Variants in TCERG1 observed in about 807,000 individuals in gnomAD.
The protein encoded by TCERG1 is TATA box binding protein (TBP)-associated factor, RNA polymerase II, S, 150kD.
Under a neutral mutation model 144.7 loss-of-function variants are expected in TCERG1, and 37 were observed. The observed-to-expected ratio is 0.26, with a 90% CI of 0.20 to 0.34. The LOEUF is 0.34. TCERG1 is among the 10% of genes least tolerant of loss of function. The pLI is 1.00. For synonymous variants in TCERG1, 492 were observed against 458.2 expected (o/e 1.07, Z -0.94); for missense variants, 1,027 against 1,380.7 (o/e 0.74, Z 4.06).
chr5:146,509,695 G>C lies in TCERG1; in HGVS notation c.3146+450G>C, dbSNP rs188892226. On this transcript the variant is annotated intron_variant, in intron 22 of 22. Coordinates refer to ENST00000679501, the MANE Select transcript of TCERG1 (RefSeq NM_001382548.1). ...ATAAACATTTTTTTTTCCCTCAGAG[G>C]AAAGCATTTTGCTGGGTACATTTAA... Among the ~76,000 whole-genome samples the C allele has an allele frequency of 2.4e-3, 367 of 151,914 alleles. 1 individual carries two copies. The highest frequency in any genetic ancestry group is 3.8e-3 in the Non-Finnish European group (260 of 67,948).
At chr5:146,489,457 AAT>A (rs1766185025) in intron 15 of TCERG1, among the ~76,000 whole-genome samples, 1 of 152,186 alleles carries the variant, frequency 6.6e-6, no homozygotes, top group Non-Finnish European at 1.5e-5. Context: ...ACAGTATGGT[AAT>A]ATGTTACCAA....
intron 12 of TCERG1, 100 bp downstream of exon 12, chr5:146,480,194 TAGG>T (rs1445513517): frequency 5.6e-6 from 5 of 886,318 alleles, no homozygotes; most frequent in East Asian, 2.5e-5. Context: ...TGAATGTTGT[TAGG>T]AGGCATGATT....
chr5:146,480,024 A>G lies in TCERG1; in HGVS notation c.1820-4A>G, dbSNP rs781233656. On this transcript the variant is annotated splice_polypyrimidine_tract_variant and splice_region_variant and intron_variant, in intron 11 of 22. Transcript: ENST00000679501. The stretch of plus-strand genomic sequence containing the variant: ...AAATATTTTAATTAAATTTTGTCTT[A>G]TAGTTAAAGAGGAACAAGAATTAAT... 1 of 1,597,168 alleles carries G rather than the reference A, an allele frequency of 6.3e-7. No homozygotes were observed. Among genetic ancestry groups the G allele is most frequent in the Non-Finnish European group, 8.5e-7 (1 of 1,172,196 alleles).
chr5:146,492,257 C>G (rs995910070), intron 15 of TCERG1, among the ~76,000 whole-genome samples: 11 of 152,064 alleles, frequency 7.2e-5, no homozygotes, highest in African/African-American at 2.4e-4. Context: ...CTTGAGTTGC[C>G]TCTTTGTTTT....
At chr5:146,461,566 A>G (rs1444105535) in intron 4 of TCERG1, among the ~76,000 whole-genome samples, 1 of 152,166 alleles carries the variant, frequency 6.6e-6, no homozygotes, top group African/African-American at 2.4e-5. Flanking sequence ...TCAAATTCAG[A>G]AAATGCTGTG....
At chr5:146,503,230 A>G in intron 17 of TCERG1, 145 bp from the exon 18 acceptor site, 1 of 645,918 alleles carries the variant, frequency 1.5e-6, no homozygotes, top group Non-Finnish European at 2.5e-6. Flanking sequence ...CTGTAATTCT[A>G]CTCTAAATGC....
intron 1 of TCERG1, 59 bp from the exon 2 acceptor site, chr5:146,454,997 A>G: frequency 6.5e-7 from 1 of 1,530,368 alleles, no homozygotes; most frequent in African/African-American, 1.4e-5. Context: ...ATTAGAGATC[A>G]GTAGCTACAT....
intron 15 of TCERG1, among the ~76,000 whole-genome samples, chr5:146,491,322 CT>C (rs1766400655): frequency 6.6e-6 from 1 of 151,932 alleles, no homozygotes; most frequent in South Asian, 2.1e-4. Flanking sequence ...GGCCCTCGTG[CT>C]TTGGGGCTGT....
At chr5:146,502,411 C>G (rs1311442335) in intron 17 of TCERG1, among the ~76,000 whole-genome samples, 1 of 152,096 alleles carries the variant, frequency 6.6e-6, no homozygotes, top group African/African-American at 2.4e-5. Context: ...TGGGTATCTT[C>G]TATGGTAGGA....
rs978868954 is a variant in TCERG1, at chr5:146,497,918, G to T, written c.2283-618G>T. 8.6e-5 allele frequency among the ~76,000 whole-genome samples: 13 copies of T among 152,036 alleles called. No individual in the cohort carries two copies. The East Asian group carries it at 2.1e-3, about 25-fold the overall frequency. On this transcript the variant is annotated intron_variant, in intron 16 of 22. Transcript: ENST00000679501. ...TGTTACACAACTTGGCCTTAGCTGT[G>T]GACTCATGGGTAATCGCTAAGTCAG...
At chr5:146,495,759 A>T (rs1054206682) in intron 16 of TCERG1, among the ~76,000 whole-genome samples, 3 of 152,248 alleles carry the variant, frequency 2.0e-5, no homozygotes, top group African/African-American at 7.2e-5. Flanking sequence ...ACACAAGAGA[A>T]TGTTTTATTT....
intron 5 of TCERG1, 66 bp downstream of exon 5, chr5:146,463,859 T>C: frequency 6.3e-7 from 1 of 1,594,034 alleles, no homozygotes; most frequent in South Asian, 1.1e-5. Context: ...TTTGTTCTCA[T>C]GTGTCTGTTG....
chr5:146,501,344 C>CTG (rs2150844948), intron 17 of TCERG1, among the ~76,000 whole-genome samples: 1 of 132,670 alleles, frequency 7.5e-6, no homozygotes, highest in African/African-American at 2.8e-5. Context: ...TGTTCTCATA[C>CTG]TGATAGCCTT....
At chr5:146,465,222 G>A (rs1175592650) in intron 5 of TCERG1, among the ~76,000 whole-genome samples, 1 of 152,160 alleles carries the variant, frequency 6.6e-6, no homozygotes, top group Non-Finnish European at 1.5e-5. Flanking sequence ...CTGCTTTAGG[G>A]TTAAGGACAG....
intron 9 of TCERG1, among the ~76,000 whole-genome samples, chr5:146,474,098 A>G (rs1018046408): frequency 6.6e-6 from 1 of 152,118 alleles, no homozygotes; most frequent in Non-Finnish European, 1.5e-5. Context: ...GATCTGGGCA[A>G]AGTCAATAGA....
intron 15 of TCERG1, among the ~76,000 whole-genome samples, chr5:146,484,304 C>T (rs928888574): frequency 2.0e-5 from 3 of 152,090 alleles, no homozygotes; most frequent in Non-Finnish European, 4.4e-5. Context: ...CATATCATTT[C>T]GTGATTGCCT....
At chr5:146,492,625 A>G (rs1766533556) in intron 15 of TCERG1, among the ~76,000 whole-genome samples, 1 of 152,144 alleles carries the variant, frequency 6.6e-6, no homozygotes. Flanking sequence ...TCTCTTCCGC[A>G]TTTCTAAATT....
chr5:146,476,194 G>A (rs1764824533), intron 9 of TCERG1, among the ~76,000 whole-genome samples: 1 of 152,036 alleles, frequency 6.6e-6, no homozygotes, highest in African/African-American at 2.4e-5. Flanking sequence ...AGACTTCTTT[G>A]GCAGACCCAG....
At chr5:146,492,778 G>C in intron 15 of TCERG1, 142 bp from the exon 16 acceptor site, 1 of 556,334 alleles carries the variant, frequency 1.8e-6, no homozygotes, top group Non-Finnish European at 3.1e-6. Flanking sequence ...AGTGAAACTT[G>C]GTATAGATTA....
Sources: gnomAD v4.1 joint callset for allele counts (sites outside exome capture counted in the v4.1 genomes callset) on GRCh38, gnomAD v4.1.1 for gene constraint, MANE v1.5 for transcripts, NCBI Gene and HGNC (gene_info 2026-07-23, HGNC 2026-07-21) for gene names.